AUTS2: variants seen among roughly 807,000 people sequenced by gnomAD.
The protein encoded by AUTS2 is activator of transcription and developmental regulator AUTS2, also known as autism susceptibility gene 2 protein.
A neutral mutation model predicts 112.4 loss-of-function variants in AUTS2; 17 were observed. That is an observed-to-expected ratio of 0.15 (90% CI 0.10 to 0.23). The LOEUF is 0.23. AUTS2 is among the 10% of genes least tolerant of loss of function. AUTS2 has a pLI of 1.00. For missense variants in AUTS2, 1,510 were observed against 1,701.6 expected (o/e 0.89, Z 1.98); for synonymous variants, 751 against 702.7 (o/e 1.07, Z -1.09).
At chr7:70,124,428 C>T (rs1034497550) in intron 3 of AUTS2, among the ~76,000 whole-genome samples, 6 of 152,102 alleles carry the variant, frequency 3.9e-5, no homozygotes, top group Non-Finnish European at 7.4e-5. Context: ...GAAATCTTTG[C>T]CCTTTCCTAT....
At chr7:70,318,469 GA>G (rs1790102855) in intron 4 of AUTS2, among the ~76,000 whole-genome samples, 2 of 152,140 alleles carry the variant, frequency 1.3e-5, no homozygotes, top group Admixed American at 1.3e-4. Context: ...ATAACCTTAA[GA>G]ACCTACAAAC....
At chr7:69,921,327 G>GTTTTTTTTTTTTTTT (rs11289784) in intron 2 of AUTS2, among the ~76,000 whole-genome samples, 1 of 90,404 alleles carries the variant, frequency 1.1e-5, no homozygotes, top group Non-Finnish European at 2.2e-5. Flanking sequence ...TAGACTTGAA[G>GTTTTTTTTTTTTTTT]TTTTTTTTTT....
intron 2 of AUTS2, among the ~76,000 whole-genome samples, chr7:70,001,952 C>A (rs1054758086): frequency 6.6e-6 from 1 of 152,076 alleles, no homozygotes. Flanking sequence ...CTCAGGTGAT[C>A]TGCCTACCTT....
rs1794878066 is a variant in AUTS2, at chr7:69,899,382, C to T, written c.406C>T (p.His136Tyr). 2 of 1,613,914 alleles carry T rather than the reference C, an allele frequency of 1.2e-6. No individual in the cohort carries two copies. The highest frequency in any genetic ancestry group is 1.3e-5 in the African/African-American group (1 of 74,932). ...AGCACTTACCAATGGCTTGTCCTTT[C>T]ATTCAAAGAAGAGCAGACTCAGCCA... ...REALTNGLSF[H>Y]SKKSRLSHPH... The change falls in exon 2 of 19, where the codon CAT becomes TAT. Residue 136 changes from histidine (H) to tyrosine (Y), a missense_variant. Transcript: ENST00000342771.
chr7:70,077,128 A>C (rs952445128), intron 2 of AUTS2, among the ~76,000 whole-genome samples: 20 of 152,182 alleles, frequency 1.3e-4, no homozygotes, highest in African/African-American at 4.6e-4. Context: ...ACTTTCTAAC[A>C]ATTTGAGCTG....
chr7:70,180,787 C>T (rs553127111), intron 4 of AUTS2, among the ~76,000 whole-genome samples: 1 of 152,274 alleles, frequency 6.6e-6, no homozygotes, highest in African/African-American at 2.4e-5. Flanking sequence ...ACTGCCCTTT[C>T]TCAGTCTACT....
At position 70,235,162 on chromosome 7, in the gene AUTS2, C is replaced by T. The variant is rs183013433; in HGVS notation, c.660+100591C>T. Among the ~76,000 whole-genome samples the T allele has an allele frequency of 5.2e-4, 79 of 152,248 alleles. 2 individuals are homozygous for T. The East Asian group carries it at 0.015, about 29-fold the overall frequency. On this transcript the variant is annotated intron_variant, in intron 4 of 18. Coordinates refer to ENST00000342771, the MANE Select transcript of AUTS2 (RefSeq NM_015570.4). Reference sequence around the variant, plus strand: ...ATAATTCTTATTTTAGAGATGGAGTCTCACTGTCTCACCCAGCCTAGAGTG... The same window carrying T: ...ATAATTCTTATTTTAGAGATGGAGTTTCACTGTCTCACCCAGCCTAGAGTG...
chr7:70,617,566 G>A (rs978964824), intron 5 of AUTS2, among the ~76,000 whole-genome samples: 2 of 152,098 alleles, frequency 1.3e-5, no homozygotes, highest in Non-Finnish European at 2.9e-5. Context: ...AGGAGGCTGA[G>A]GCAGGAGAAT....
chr7:69,957,293 C>T (rs1797253449), intron 2 of AUTS2, among the ~76,000 whole-genome samples: 1 of 151,680 alleles, frequency 6.6e-6, no homozygotes, highest in Non-Finnish European at 1.5e-5. Context: ...AGCTCCTTAT[C>T]AACCGCATCG....
At chr7:70,628,357 A>G (rs1040848177) in intron 5 of AUTS2, among the ~76,000 whole-genome samples, 10 of 6,402 alleles carry the variant, frequency 1.6e-3, no homozygotes, top group East Asian at 4.7e-3. Context: ...ATATATATGT[A>G]TATATATATA....
intron 4 of AUTS2, among the ~76,000 whole-genome samples, chr7:70,203,826 A>T (rs1218258388): frequency 6.6e-6 from 1 of 151,526 alleles, no homozygotes; most frequent in Non-Finnish European, 1.5e-5. Context: ...TAAAAACTAG[A>T]TTGTGAATGT....
intron 1 of AUTS2, among the ~76,000 whole-genome samples, chr7:69,866,339 G>T (rs1793231009): frequency 6.6e-6 from 1 of 152,018 alleles, no homozygotes; most frequent in Non-Finnish European, 1.5e-5. Context: ...TGTTCTCCCT[G>T]TTCTCCCCTG....
chr7:69,662,575 C>T (rs1251031799), intron 1 of AUTS2, among the ~76,000 whole-genome samples: 12 of 152,172 alleles, frequency 7.9e-5, no homozygotes, highest in Admixed American at 7.2e-4. Flanking sequence ...AATGGATTCC[C>T]TGGAAGCAGA....
At chr7:69,645,040 C>T (rs978968264) in intron 1 of AUTS2, among the ~76,000 whole-genome samples, 10 of 150,828 alleles carry the variant, frequency 6.6e-5, no homozygotes, top group African/African-American at 2.0e-4. Flanking sequence ...ACCTGAGTAG[C>T]GGAGACTACT....
intron 1 of AUTS2, among the ~76,000 whole-genome samples, chr7:69,818,814 A>G (rs1790867386): frequency 6.6e-6 from 1 of 152,262 alleles, no homozygotes; most frequent in Non-Finnish European, 1.5e-5. Context: ...GTGGATAGCC[A>G]TAAACATCTT....
chr7:70,329,254 T>A (rs1332770689), intron 4 of AUTS2, among the ~76,000 whole-genome samples: 2 of 152,226 alleles, frequency 1.3e-5, no homozygotes, highest in Non-Finnish European at 2.9e-5. Flanking sequence ...TCACATATAC[T>A]TGTTTATGTA....
intron 4 of AUTS2, among the ~76,000 whole-genome samples, chr7:70,163,816 A>C (rs959832183): frequency 6.6e-6 from 1 of 152,168 alleles, no homozygotes; most frequent in African/African-American, 2.4e-5. Flanking sequence ...CAGAGATTAC[A>C]TGTCATTGGG....
At chr7:69,677,754 T>C (rs1198855951) in intron 1 of AUTS2, among the ~76,000 whole-genome samples, 1 of 152,246 alleles carries the variant, frequency 6.6e-6, no homozygotes, top group Non-Finnish European at 1.5e-5. Flanking sequence ...TACTAGGCCA[T>C]CTGTTGTTAA....
At chr7:70,207,558 A>T (rs1810632608) in intron 4 of AUTS2, among the ~76,000 whole-genome samples, 1 of 152,230 alleles carries the variant, frequency 6.6e-6, no homozygotes, top group Non-Finnish European at 1.5e-5. Flanking sequence ...TTCATCATTT[A>T]CTGGTTGTGT....
Sources: allele counts gnomAD v4.1 joint callset (sites outside exome capture counted in the v4.1 genomes callset), GRCh38; gene constraint gnomAD v4.1.1; transcripts MANE v1.5; gene names NCBI Gene and HGNC (gene_info 2026-07-23, HGNC 2026-07-21).